VPS13B: variants seen among roughly 807,000 people sequenced by gnomAD.
VPS13B encodes the protein vacuolar protein sorting 13 homolog B, also known as intermembrane lipid transfer protein VPS13B.
Under a neutral mutation model 426.4 loss-of-function variants are expected in VPS13B, and 285 were observed. That is an observed-to-expected ratio of 0.67 (90% CI 0.61 to 0.74). VPS13B has a LOEUF of 0.74. VPS13B is among the 30% of genes least tolerant of loss of function. The pLI is 0.00. For synonymous variants in VPS13B, 1,676 were observed against 1,676.4 expected, an observed-to-expected ratio of 1.00 and a Z score of 0.01; for missense variants, 4,537 against 4,782.6, an observed-to-expected ratio of 0.95 and a Z score of 1.51.
intron 61 of VPS13B, among the ~76,000 whole-genome samples, chr8:99,874,641 C>T (rs144245471): frequency 2.6e-5 from 4 of 152,030 alleles, no homozygotes; most frequent in Non-Finnish European, 5.9e-5. Context: ...ACTTGATCTA[C>T]ACACTAGATA....
At chr8:99,133,720 G>A (rs914033356) in intron 8 of VPS13B, among the ~76,000 whole-genome samples, 8 of 152,136 alleles carry the variant, frequency 5.3e-5, no homozygotes, top group African/African-American at 1.7e-4. Context: ...AGAGAGGGGA[G>A]TGGCTAGACA....
intron 19 of VPS13B, among the ~76,000 whole-genome samples, chr8:99,360,574 G>A (rs1183297922): frequency 6.6e-6 from 1 of 151,994 alleles, no homozygotes; most frequent in Non-Finnish European, 1.5e-5. Context: ...ACCCCACCCG[G>A]CCATTTCTTT....
At chr8:99,865,868 A>T (rs1002550925) in intron 58 of VPS13B, among the ~76,000 whole-genome samples, 1 of 152,246 alleles carries the variant, frequency 6.6e-6, no homozygotes, top group Admixed American at 6.5e-5. Context: ...ATCACCAGGA[A>T]CTTCCATAGC....
intron 2 of VPS13B, among the ~76,000 whole-genome samples, chr8:99,036,827 GATAA>G (rs1842769686): frequency 1.3e-5 from 2 of 152,136 alleles, no homozygotes; most frequent in Non-Finnish European, 2.9e-5. Flanking sequence ...CAGTTAGATA[GATAA>G]ATAGCCAGTG....
chr8:99,162,183 C>T (rs1284877396), intron 15 of VPS13B, among the ~76,000 whole-genome samples: 1 of 151,986 alleles, frequency 6.6e-6, no homozygotes, highest in Non-Finnish European at 1.5e-5. Flanking sequence ...TGATGTGACT[C>T]CATTTACCAG....
chr8:99,135,154 CA>C lies in VPS13B; in HGVS notation c.1425+18del. The C allele has an allele frequency of 6.2e-7, 1 of 1,612,682 alleles. No individual in the cohort carries two copies. Among genetic ancestry groups the C allele is most frequent in the Non-Finnish European group, 8.5e-7 (1 of 1,179,006 alleles). On this transcript the variant is annotated intron_variant, in intron 10 of 61. Coordinates refer to ENST00000357162, the MANE Select transcript of VPS13B (RefSeq NM_152564.5). ...AGTGAAACTGTAAGTCCGTTTCCTC[CA>C]TCCTTTTTTGGATAGGATATAGGAA...
intron 31 of VPS13B, among the ~76,000 whole-genome samples, chr8:99,565,724 G>C (rs1022553015): frequency 6.6e-5 from 10 of 152,000 alleles, no homozygotes; most frequent in Non-Finnish European, 5.9e-5. Context: ...ATTGTAGATA[G>C]GAATATGGAA....
chr8:99,588,220 G>C (rs1293275843), intron 33 of VPS13B, among the ~76,000 whole-genome samples: 1 of 151,670 alleles, frequency 6.6e-6, no homozygotes, highest in Admixed American at 6.6e-5. Flanking sequence ...GGTTACTGTA[G>C]CCTTGTAGTA....
At chr8:99,263,736 A>C (rs1055924942) in intron 17 of VPS13B, among the ~76,000 whole-genome samples, 1 of 152,010 alleles carries the variant, frequency 6.6e-6, no homozygotes, top group African/African-American at 2.4e-5. Flanking sequence ...TCATCTCCCT[A>C]TTTCAAGGTC....
intron 17 of VPS13B, among the ~76,000 whole-genome samples, chr8:99,219,289 A>C (rs1222692667): frequency 6.6e-6 from 1 of 152,218 alleles, no homozygotes; most frequent in Non-Finnish European, 1.5e-5. Flanking sequence ...AGCTAAGATA[A>C]AACAGCAGCA....
At chr8:99,713,800 G>A (rs1233943356) in intron 36 of VPS13B, among the ~76,000 whole-genome samples, 1 of 152,122 alleles carries the variant, frequency 6.6e-6, no homozygotes, top group Non-Finnish European at 1.5e-5. Context: ...AATACAAGAT[G>A]AGCCTGAAAT....
intron 51 of VPS13B, among the ~76,000 whole-genome samples, chr8:99,825,886 G>A (rs1480071844): frequency 6.6e-6 from 1 of 152,160 alleles, no homozygotes; most frequent in African/African-American, 2.4e-5. Context: ...TTGTAGATGT[G>A]TGGTGTTATT....
intron 19 of VPS13B, among the ~76,000 whole-genome samples, chr8:99,285,280 T>C (rs1819370944): frequency 6.6e-6 from 1 of 152,192 alleles, no homozygotes. Context: ...GCTTGCTTCC[T>C]TTGAAAGGTC....
intron 17 of VPS13B, among the ~76,000 whole-genome samples, chr8:99,196,070 T>G (rs1356693302): frequency 6.6e-6 from 1 of 152,196 alleles, no homozygotes; most frequent in African/African-American, 2.4e-5. Context: ...AAGGATTTTT[T>G]TACTGTTTTT....
At chr8:99,273,524 C>T (rs182246891) in intron 17 of VPS13B, among the ~76,000 whole-genome samples, 1 of 152,138 alleles carries the variant, frequency 6.6e-6, no homozygotes, top group Admixed American at 6.5e-5. Context: ...GTGGTGCACG[C>T]CTGTAATCCT....
intron 43 of VPS13B, among the ~76,000 whole-genome samples, chr8:99,795,769 A>C (rs527874080): frequency 5.3e-5 from 8 of 152,366 alleles, no homozygotes; most frequent in African/African-American, 1.9e-4. Context: ...TCAGCACTCC[A>C]CTACAGGGAT....
At chr8:99,598,520 A>C (rs953451298) in intron 33 of VPS13B, among the ~76,000 whole-genome samples, 4 of 152,060 alleles carry the variant, frequency 2.6e-5, no homozygotes, top group Middle Eastern at 3.2e-3. Flanking sequence ...GAGGTAGTGT[A>C]TGTAAAGACT....
chr8:99,784,256 T>C, intron 42 of VPS13B, 59 bp from the exon 43 acceptor site: 1 of 1,610,754 alleles, frequency 6.2e-7, no homozygotes, highest in Non-Finnish European at 8.5e-7. Context: ...GGCAGACAGC[T>C]GCCAAACATC....
chr8:99,390,222 C>T (rs1318203278), intron 20 of VPS13B, among the ~76,000 whole-genome samples: 6 of 151,846 alleles, frequency 4.0e-5, no homozygotes, highest in East Asian at 3.9e-4. Flanking sequence ...CTCAGCCTCC[C>T]GAGTAGCTGG....
Sources: gnomAD v4.1 joint callset for allele counts (sites outside exome capture counted in the v4.1 genomes callset) on GRCh38, gnomAD v4.1.1 for gene constraint, MANE v1.5 for transcripts, NCBI Gene and HGNC (gene_info 2026-07-23, HGNC 2026-07-21) for gene names.